MTDH: variants seen among roughly 807,000 people sequenced by gnomAD.
MTDH encodes protein LYRIC.
In MTDH, 34 loss-of-function variants were observed where a neutral mutation model predicts 72.7. The ratio of observed to expected loss-of-function variants is 0.47; its 90% CI spans 0.36 to 0.62. MTDH has a LOEUF of 0.62. MTDH is among the 20% of genes least tolerant of loss of function. The probability of loss-of-function intolerance (pLI) is 0.00; values close to 1 mark genes in which losing one functional copy is unlikely to be tolerated. For missense variants in MTDH, 677 were observed against 699.4 expected, an observed-to-expected ratio of 0.97 and a Z score of 0.36; for synonymous variants, 266 against 268.9, an observed-to-expected ratio of 0.99 and a Z score of 0.10.
At chr8:97,670,490 C>T (rs187982398) in intron 2 of MTDH, among the ~76,000 whole-genome samples, 179 of 152,118 alleles carry the variant, frequency 1.2e-3, no homozygotes, top group African/African-American at 4.0e-3. Context: ...GGTGTGGTGG[C>T]GTGTGCCCGT....
At position 97,686,661 on chromosome 8, in the gene MTDH, C is replaced by A; in HGVS notation, c.484-7C>A. On this transcript the variant is annotated splice_polypyrimidine_tract_variant and splice_region_variant and intron_variant, in intron 2 of 11. Transcript: ENST00000336273. Reference sequence around the variant, plus strand: ...AAATATTAAGTAACATTCTATTTTACTTTCAGTCAAAGAAAAATAAGAAGA... The same window carrying A: ...AAATATTAAGTAACATTCTATTTTAATTTCAGTCAAAGAAAAATAAGAAGA... 1 of 1,532,270 alleles carries A rather than the reference C, an allele frequency of 6.5e-7. No individual in the cohort carries two copies. Among genetic ancestry groups the A allele is most frequent in the Non-Finnish European group, 8.8e-7 (1 of 1,134,508 alleles). 94.9% of individuals were successfully genotyped at this position (1,532,270 alleles called of 1,614,324 possible).
intron 1 of MTDH, among the ~76,000 whole-genome samples, chr8:97,658,863 G>T (rs1412423249): frequency 6.6e-6 from 1 of 152,156 alleles, no homozygotes; most frequent in Non-Finnish European, 1.5e-5. Flanking sequence ...GATATTAGAG[G>T]CCGGGTGTGG....
chr8:97,716,107 C>T (rs1814858936), intron 9 of MTDH, among the ~76,000 whole-genome samples: 1 of 152,160 alleles, frequency 6.6e-6, no homozygotes, highest in South Asian at 2.1e-4. Context: ...AAGGTTATGG[C>T]TGGGCGCGGT....
chr8:97,690,532 A>G (rs1444994593), intron 5 of MTDH, among the ~76,000 whole-genome samples: 6 of 152,182 alleles, frequency 3.9e-5, no homozygotes, highest in Admixed American at 1.3e-4. Context: ...TTCAGATTTT[A>G]ATTGGTCTGG....
chr8:97,729,513 T>TTA lies in MTDH; in HGVS notation c.*4843_*4844insTA, dbSNP rs1815479504. Among the ~76,000 whole-genome samples, 1 of 152,194 alleles carries TTA rather than the reference T, an allele frequency of 6.6e-6. No individual in the cohort carries two copies. Among genetic ancestry groups the TTA allele is most frequent in the Non-Finnish European group, 1.5e-5 (1 of 68,038 alleles). On this transcript the variant is annotated 3_prime_UTR_variant, in exon 12 of 12. Coordinates refer to ENST00000336273, the MANE Select transcript of MTDH (RefSeq NM_178812.4). ...TAATGGGCACCTCTAACAGTGTCTG[T>TTA]CAGAGTTGACATACATTGTGTATCT...
intron 1 of MTDH, among the ~76,000 whole-genome samples, chr8:97,649,676 T>A (rs1811688333): frequency 6.6e-6 from 1 of 152,098 alleles, no homozygotes; most frequent in African/African-American, 2.4e-5. Context: ...TGAACACAGC[T>A]CACTGCAGCT....
chr8:97,699,065 C>T (rs1307698385), intron 6 of MTDH, among the ~76,000 whole-genome samples: 1 of 152,072 alleles, frequency 6.6e-6, no homozygotes, highest in African/African-American at 2.4e-5. Flanking sequence ...GCAGGAGGAT[C>T]ACTTAAGCCT....
intron 1 of MTDH, among the ~76,000 whole-genome samples, chr8:97,658,261 T>C (rs576998883): frequency 6.6e-6 from 1 of 152,270 alleles, no homozygotes; most frequent in East Asian, 1.9e-4. Context: ...ATTATGTAGA[T>C]TGATGTTGCA....
At chr8:97,681,243 C>T (rs1813057947) in intron 2 of MTDH, among the ~76,000 whole-genome samples, 3 of 152,070 alleles carry the variant, frequency 2.0e-5, no homozygotes, top group Non-Finnish European at 4.4e-5. Flanking sequence ...ACAGTCAGTG[C>T]AGCTTGGTTA....
At chr8:97,699,975 AT>A (rs1814038555) in intron 7 of MTDH, 123 bp downstream of exon 7, 2 of 539,240 alleles carry the variant, frequency 3.7e-6, no homozygotes, top group East Asian at 3.1e-5. Flanking sequence ...TAAGAATATA[AT>A]TTAATACCAA....
At chr8:97,694,417 G>C (rs560069674) in intron 6 of MTDH, among the ~76,000 whole-genome samples, 1 of 151,816 alleles carries the variant, frequency 6.6e-6, no homozygotes, top group Non-Finnish European at 1.5e-5. Context: ...GGCTGGTCTC[G>C]AACTCCCAGT....
At chr8:97,701,752 C>T (rs568745663) in intron 7 of MTDH, among the ~76,000 whole-genome samples, 17 of 152,240 alleles carry the variant, frequency 1.1e-4, no homozygotes, top group African/African-American at 4.1e-4. Context: ...GGTCTCCAGG[C>T]TTTCCTGCTT....
At chr8:97,664,034 G>A (rs531971425) in intron 2 of MTDH, among the ~76,000 whole-genome samples, 1 of 152,198 alleles carries the variant, frequency 6.6e-6, no homozygotes, top group African/African-American at 2.4e-5. Flanking sequence ...GGGCTCCAGT[G>A]CCTAGAAAAA....
chr8:97,661,948 G>T (rs1189143828), intron 2 of MTDH, among the ~76,000 whole-genome samples: 1 of 150,094 alleles, frequency 6.7e-6, no homozygotes, highest in East Asian at 2.0e-4. Context: ...AAAAGATATA[G>T]ATGTGCACTT....
intron 2 of MTDH, among the ~76,000 whole-genome samples, chr8:97,675,887 T>C: frequency 6.6e-6 from 1 of 151,640 alleles, no homozygotes; most frequent in East Asian, 1.9e-4. Flanking sequence ...AAAAAAGAAT[T>C]TACATTTAGA....
intron 2 of MTDH, among the ~76,000 whole-genome samples, chr8:97,679,956 G>A (rs1300303175): frequency 2.0e-5 from 3 of 152,040 alleles, no homozygotes; most frequent in South Asian, 2.1e-4. Flanking sequence ...GAACTTATTC[G>A]TCATAATTTC....
chr8:97,653,772 A>T (rs184861618), intron 1 of MTDH, among the ~76,000 whole-genome samples: 76 of 152,362 alleles, frequency 5.0e-4, no homozygotes, highest in African/African-American at 1.7e-3. Context: ...GATCAGTTTT[A>T]AAATGCACTT....
At chr8:97,666,618 G>A (rs1454186188) in intron 2 of MTDH, among the ~76,000 whole-genome samples, 1 of 152,134 alleles carries the variant, frequency 6.6e-6, no homozygotes, top group East Asian at 1.9e-4. Flanking sequence ...TGCACTGATG[G>A]TGCAAAAGCG....
chr8:97,686,821 A>G (rs1813383829), intron 3 of MTDH, 69 bp downstream of exon 3: 1 of 1,072,356 alleles, frequency 9.3e-7, no homozygotes, highest in Admixed American at 2.6e-5. Flanking sequence ...ATTATATAAA[A>G]GCTGCATTTG....
Sources: gnomAD v4.1 joint callset for allele counts (sites outside exome capture counted in the v4.1 genomes callset) on GRCh38, gnomAD v4.1.1 for gene constraint, MANE v1.5 for transcripts, NCBI Gene and HGNC (gene_info 2026-07-23, HGNC 2026-07-21) for gene names.